Variants in MRPL48 observed in about 807,000 individuals in gnomAD.
MRPL48 encodes the protein large ribosomal subunit protein mL48.
A neutral mutation model predicts 32.9 loss-of-function variants in MRPL48; 16 were observed. The observed-to-expected ratio is 0.49, with a 90% CI of 0.33 to 0.74. The LOEUF (loss-of-function observed/expected upper bound fraction) is 0.74. MRPL48 is among the 30% of genes least tolerant of loss of function. MRPL48 has a pLI of 0.02. For missense variants in MRPL48, 206 were observed against 245.3 expected, an observed-to-expected ratio of 0.84 and a Z score of 1.07; for synonymous variants, 94 against 89.2, an observed-to-expected ratio of 1.05 and a Z score of -0.31.
At chr11:73,794,184 GTATCTATCTATCTATCTATCTATC>G (rs56944899) in intron 1 of MRPL48, among the ~76,000 whole-genome samples, 1 of 139,178 alleles carries the variant, frequency 7.2e-6, no homozygotes, top group Non-Finnish European at 1.6e-5. Flanking sequence ...GTGAGACCCT[GTATCTATCTATCTATCTATCTATC>G]TATCTATCTA....
intron 1 of MRPL48, among the ~76,000 whole-genome samples, chr11:73,788,586 G>T (rs1321435942): frequency 2.7e-5 from 4 of 146,304 alleles, no homozygotes; most frequent in African/African-American, 7.6e-5. Context: ...CGATTCTCCT[G>T]CCTCAGCCTC....
At chr11:73,843,644 G>A (rs1015514708) in intron 4 of MRPL48, among the ~76,000 whole-genome samples, 2 of 152,236 alleles carry the variant, frequency 1.3e-5, no homozygotes, top group Non-Finnish European at 2.9e-5. Flanking sequence ...AAGGAATGCT[G>A]TGTAGACAAT....
At position 73,808,937 on chromosome 11, in the gene MRPL48, A is replaced by T. The variant is rs536377325; in HGVS notation, c.112+587A>T. 1.1e-3 allele frequency among the ~76,000 whole-genome samples: 170 copies of T among 149,734 alleles called. 2 individuals are homozygous for T. Among genetic ancestry groups the T allele is most frequent in the African/African-American group, 4.0e-3 (165 of 41,152 alleles). Reference sequence around the variant, plus strand: ...AGACTTCATCTCAAAAAAAAAAAAAATAATGAGAAGGCTGTGCAGCATGGT... The same window carrying T: ...AGACTTCATCTCAAAAAAAAAAAAATTAATGAGAAGGCTGTGCAGCATGGT... On this transcript the variant is annotated intron_variant, in intron 3 of 7. Coordinates refer to ENST00000310614, the MANE Select transcript of MRPL48 (RefSeq NM_016055.6).
At chr11:73,835,070 C>G (rs1199928090) in intron 4 of MRPL48, among the ~76,000 whole-genome samples, 1 of 149,226 alleles carries the variant, frequency 6.7e-6, no homozygotes, top group African/African-American at 2.5e-5. Context: ...TGGGCTCAAG[C>G]AATCTACCCA....
intron 4 of MRPL48, among the ~76,000 whole-genome samples, chr11:73,836,326 G>A (rs932902416): frequency 6.6e-6 from 1 of 152,038 alleles, no homozygotes; most frequent in Admixed American, 6.6e-5. Flanking sequence ...TTCCCAAGTA[G>A]ATGGGATTAC....
At chr11:73,840,095 C>A (rs2135043602) in intron 4 of MRPL48, among the ~76,000 whole-genome samples, 1 of 138,256 alleles carries the variant, frequency 7.2e-6, no homozygotes, top group African/African-American at 2.7e-5. Context: ...GAGACCCTGT[C>A]CTTAAAAAAA....
At chr11:73,860,067 C>A in intron 6 of MRPL48, 58 bp downstream of exon 6, 3 of 1,374,844 alleles carry the variant, frequency 2.2e-6, no homozygotes, top group South Asian at 2.5e-5. Flanking sequence ...TTTCTCTGTC[C>A]ACTTTTTCAC....
intron 6 of MRPL48, among the ~76,000 whole-genome samples, chr11:73,860,919 C>G (rs916157540): frequency 6.6e-6 from 1 of 152,164 alleles, no homozygotes; most frequent in African/African-American, 2.4e-5. Flanking sequence ...CTTTCTATCT[C>G]TATGGATTTA....
chr11:73,809,686 G>C (rs1318701565), intron 3 of MRPL48, among the ~76,000 whole-genome samples: 6 of 152,080 alleles, frequency 3.9e-5, no homozygotes, highest in African/African-American at 1.4e-4. Context: ...ATCCATCTCT[G>C]TTTCAACCCA....
intron 4 of MRPL48, among the ~76,000 whole-genome samples, chr11:73,834,037 T>C (rs554812131): frequency 1.2e-4 from 19 of 152,150 alleles, no homozygotes; most frequent in African/African-American, 4.1e-4. Context: ...TTTGTAAAGA[T>C]GGGGTTTCAC....
At chr11:73,860,101 C>A (rs1948559933) in intron 6 of MRPL48, 92 bp downstream of exon 6, 1 of 1,092,670 alleles carries the variant, frequency 9.2e-7, no homozygotes, top group Non-Finnish European at 1.3e-6. Context: ...CTTTTCTTTT[C>A]TTTCTTGAAT....
chr11:73,825,278 T>A (rs1018931860), intron 3 of MRPL48, among the ~76,000 whole-genome samples: 11 of 136,204 alleles, frequency 8.1e-5, no homozygotes, highest in South Asian at 2.4e-4. Context: ...ACCTTGTTTT[T>A]TATATATGTG....
intron 5 of MRPL48, among the ~76,000 whole-genome samples, chr11:73,847,271 G>A (rs972778365): frequency 1.8e-4 from 27 of 152,212 alleles, no homozygotes; most frequent in African/African-American, 6.5e-4. Context: ...TCATAGTGGT[G>A]TTAATTTGCA....
chr11:73,833,583 T>C (rs1565100886), intron 4 of MRPL48, among the ~76,000 whole-genome samples: 3 of 152,232 alleles, frequency 2.0e-5, no homozygotes, highest in Non-Finnish European at 4.4e-5. Flanking sequence ...AATGAATGGA[T>C]AGAATTTTCT....
chr11:73,814,718 G>A (rs535028590), intron 3 of MRPL48, among the ~76,000 whole-genome samples: 1 of 151,094 alleles, frequency 6.6e-6, no homozygotes, highest in Admixed American at 6.6e-5. Flanking sequence ...GTGAGGCTGG[G>A]TGCGGTGGCT....
At chr11:73,863,450 G>A (rs991288485) in intron 7 of MRPL48, among the ~76,000 whole-genome samples, 189 bp downstream of exon 7, 1 of 152,216 alleles carries the variant, frequency 6.6e-6, no homozygotes, top group African/African-American at 2.4e-5. Context: ...CATCAGGGAT[G>A]ATGCTTTGTG....
chr11:73,811,977 C>T (rs1201905916), intron 3 of MRPL48, among the ~76,000 whole-genome samples: 1 of 152,128 alleles, frequency 6.6e-6, no homozygotes, highest in Non-Finnish European at 1.5e-5. Context: ...GCTCCACCAC[C>T]CGGGTTCACA....
chr11:73,827,306 C>A (rs1429736292), intron 4 of MRPL48, among the ~76,000 whole-genome samples: 2 of 152,024 alleles, frequency 1.3e-5, no homozygotes, highest in African/African-American at 4.8e-5. Context: ...ATCACTTGAT[C>A]CCAGGAGGTG....
intron 1 of MRPL48, among the ~76,000 whole-genome samples, chr11:73,798,731 C>T (rs1947304198): frequency 6.6e-6 from 1 of 152,046 alleles, no homozygotes; most frequent in Non-Finnish European, 1.5e-5. Context: ...GTGGCTCACA[C>T]CTGTAATCCC....
Sources: gnomAD v4.1 joint callset for allele counts (sites outside exome capture counted in the v4.1 genomes callset) on GRCh38, gnomAD v4.1.1 for gene constraint, MANE v1.5 for transcripts, NCBI Gene and HGNC (gene_info 2026-07-23, HGNC 2026-07-21) for gene names.